The following SYN3 variants were observed in gnomAD, a reference collection of about 807,000 sequenced individuals.
The protein encoded by SYN3 is synapsin-3.
SYN3 carries 35 observed loss-of-function variants against 65.8 expected under a neutral mutation model. The observed-to-expected ratio is 0.53, with a 90% CI of 0.41 to 0.70. The LOEUF (loss-of-function observed/expected upper bound fraction) is 0.70. Ranked by LOEUF, SYN3 falls within the 30% of genes least tolerant of loss-of-function variation. SYN3 has a pLI of 0.00. For missense variants in SYN3, 680 were observed against 749.0 expected, an observed-to-expected ratio of 0.91 and a Z score of 1.08; for synonymous variants, 270 against 292.9, an observed-to-expected ratio of 0.92 and a Z score of 0.80.
chr22:33,011,641 T>A (rs1376565389), intron 1 of SYN3, among the ~76,000 whole-genome samples: 1 of 152,210 alleles, frequency 6.6e-6, no homozygotes, highest in Non-Finnish European at 1.5e-5. Context: ...AGAGTCTGTG[T>A]AATATTGTGT....
intron 4 of SYN3, 75 bp downstream of exon 4, chr22:32,931,315 G>A: frequency 3.1e-6 from 3 of 974,810 alleles, no homozygotes; most frequent in South Asian, 1.3e-5. Context: ...CGCAGGAAGT[G>A]GACGGAGGGG....
At chr22:32,599,116 A>G (rs1343739349) in intron 6 of SYN3, among the ~76,000 whole-genome samples, 31 of 152,202 alleles carry the variant, frequency 2.0e-4, no homozygotes, top group Non-Finnish European at 1.5e-5. Flanking sequence ...TTTTTACAAA[A>G]TTGGGAGTAT....
intron 4 of SYN3, among the ~76,000 whole-genome samples, chr22:32,896,862 C>T (rs2049606581): frequency 2.6e-5 from 4 of 152,182 alleles, no homozygotes; most frequent in Admixed American, 2.6e-4. Context: ...TGAACACAGT[C>T]TCTAACTTTT....
intron 6 of SYN3, among the ~76,000 whole-genome samples, chr22:32,638,509 C>T (rs986280138): frequency 6.6e-6 from 1 of 152,030 alleles, no homozygotes; most frequent in Non-Finnish European, 1.5e-5. Context: ...CCATTCTGAC[C>T]GATGTGAGAT....
At chr22:32,819,698 G>C (rs2047182600) in intron 6 of SYN3, among the ~76,000 whole-genome samples, 1 of 152,158 alleles carries the variant, frequency 6.6e-6, no homozygotes, top group Non-Finnish European at 1.5e-5. Context: ...GCACACTCTA[G>C]GGGCCGCGTC....
intron 2 of SYN3, among the ~76,000 whole-genome samples, chr22:32,995,646 G>A (rs530081812): frequency 2.6e-5 from 4 of 151,528 alleles, no homozygotes; most frequent in South Asian, 2.1e-4. Flanking sequence ...TCATGCCTTC[G>A]GTCAAAGCAG....
intron 6 of SYN3, among the ~76,000 whole-genome samples, chr22:32,610,109 C>A (rs570999215): frequency 6.6e-6 from 1 of 151,916 alleles, no homozygotes; most frequent in African/African-American, 2.4e-5. Context: ...GGTGAAACCC[C>A]GTCTCTACTA....
At chr22:32,840,538 G>GC (rs1569266991) in intron 6 of SYN3, among the ~76,000 whole-genome samples, 1 of 151,990 alleles carries the variant, frequency 6.6e-6, no homozygotes, top group African/African-American at 2.4e-5. Flanking sequence ...TGCAGTGGGA[G>GC]GGGGGTCATC....
intron 6 of SYN3, among the ~76,000 whole-genome samples, chr22:32,605,201 C>T (rs1480580965): frequency 1.3e-5 from 2 of 151,864 alleles, no homozygotes; most frequent in Non-Finnish European, 1.5e-5. Context: ...CCACAACAAG[C>T]GGGAGAAGTC....
intron 4 of SYN3, among the ~76,000 whole-genome samples, chr22:32,903,542 T>C (rs80692): frequency 0.98 from 149,439 of 152,290 alleles, 73,330 homozygotes; most frequent in East Asian, 1. Context: ...GGGAAAAGAA[T>C]TGAGCTCTCC....
At chr22:32,814,181 AAAAGAAAGAAAG>A (rs148074968) in intron 6 of SYN3, among the ~76,000 whole-genome samples, 6 of 109,750 alleles carry the variant, frequency 5.5e-5, no homozygotes, top group Non-Finnish European at 8.7e-5. Flanking sequence ...AGAAAGAAAG[AAAAGAAAGAAAG>A]AAAGAAAGAA....
At chr22:32,764,637 G>A (rs565694290) in intron 6 of SYN3, among the ~76,000 whole-genome samples, 10 of 152,268 alleles carry the variant, frequency 6.6e-5, no homozygotes, top group Non-Finnish European at 1.5e-4. Flanking sequence ...ATAATCTCCC[G>A]CTAATATCCC....
chr22:32,799,496 A>G (rs1428861947), intron 6 of SYN3, among the ~76,000 whole-genome samples: 1 of 152,252 alleles, frequency 6.6e-6, no homozygotes, highest in Non-Finnish European at 1.5e-5. Context: ...CTTGATACTT[A>G]TATTCCAGGC....
chr22:32,603,356 CAA>C lies in SYN3; in HGVS notation c.712-6622_712-6621del, dbSNP rs10670581. 3.7e-3 allele frequency among the ~76,000 whole-genome samples: 470 copies of C among 125,936 alleles called. 4 individuals carry two copies. Among genetic ancestry groups the C allele is most frequent in the South Asian group, 0.025 (100 of 3,960 alleles). The allele number at this position is 125,936 out of a possible 152,430, so 82.6% of individuals were successfully genotyped here. A position where few individuals can be genotyped will look rare whatever the true frequency, so the allele number is the denominator to read the frequency against. ...TGAAATCCCATCTCTACTAAAAATA[CAA>C]AAAAAAAAAAAAATAGCCAGGTATG... On this transcript the variant is annotated intron_variant, in intron 6 of 13. Transcript: ENST00000358763.
chr22:32,538,003 A>G (rs763613096), intron 9 of SYN3, 33 bp downstream of exon 9: 1 of 1,600,338 alleles, frequency 6.2e-7, no homozygotes, highest in Non-Finnish European at 8.6e-7. Context: ...TACTATGGCC[A>G]GTGCCTCTCC....
intron 6 of SYN3, among the ~76,000 whole-genome samples, chr22:32,772,575 G>C (rs930250060): frequency 2.0e-5 from 3 of 152,098 alleles, no homozygotes; most frequent in Non-Finnish European, 2.9e-5. Context: ...TTTGGAAAAA[G>C]AGCCTTTACA....
chr22:32,908,711 G>A (rs1202659727), intron 4 of SYN3, among the ~76,000 whole-genome samples: 1 of 152,172 alleles, frequency 6.6e-6, no homozygotes, highest in Admixed American at 6.5e-5. Flanking sequence ...TTAAGTAGCG[G>A]TGACAGGCCA....
At chr22:32,686,068 A>AC (rs1341461463) in intron 6 of SYN3, among the ~76,000 whole-genome samples, 2 of 152,242 alleles carry the variant, frequency 1.3e-5, no homozygotes, top group African/African-American at 4.8e-5. Context: ...TATTGGAATT[A>AC]CAAGAGGCTT....
At chr22:32,704,334 T>C (rs1278597314) in intron 6 of SYN3, among the ~76,000 whole-genome samples, 1 of 152,206 alleles carries the variant, frequency 6.6e-6, no homozygotes, top group East Asian at 1.9e-4. Context: ...TTTCTGTTCC[T>C]GCATTAGTTT....
Sources: gnomAD v4.1 joint callset for allele counts (sites outside exome capture counted in the v4.1 genomes callset) on GRCh38, gnomAD v4.1.1 for gene constraint, MANE v1.5 for transcripts, NCBI Gene and HGNC (gene_info 2026-07-23, HGNC 2026-07-21) for gene names.